The following FGF14 variants were observed in gnomAD, a reference collection of about 807,000 sequenced individuals.
FGF14 encodes fibroblast growth factor homologous factor 4.
Under a neutral mutation model 25.5 loss-of-function variants are expected in FGF14, and 5 were observed. The observed-to-expected ratio is 0.20, with a 90% CI of 0.10 to 0.41. The LOEUF (loss-of-function observed/expected upper bound fraction) is 0.41. Ranked by LOEUF, FGF14 falls within the 10% of genes least tolerant of loss-of-function variation. The pLI, the probability that FGF14 is intolerant of heterozygous loss-of-function variation, is 1.00. For missense variants in FGF14, 222 were observed against 320.1 expected, an observed-to-expected ratio of 0.69 and a Z score of 2.34; for synonymous variants, 138 against 118.3, an observed-to-expected ratio of 1.17 and a Z score of -1.08.
In FGF14 at chr13:102,084,754, C is replaced by T. The variant is rs139269727; in HGVS notation, c.209-209458G>A. Among the ~76,000 whole-genome samples, 9 of 152,304 alleles carry T rather than the reference C, an allele frequency of 5.9e-5. No individual in the cohort carries two copies. The East Asian group carries it at 1.4e-3, about 23-fold the overall frequency. ...ATAACTTGTATTCCCTCATGATCAGCACAAGCGAAATGCACTGATGGAGCA... is the reference window on the plus strand; with the variant it reads ...ATAACTTGTATTCCCTCATGATCAGTACAAGCGAAATGCACTGATGGAGCA... On this transcript the variant is annotated intron_variant, in intron 1 of 4. Coordinates refer to the FGF14 transcript ENST00000376131.
At position 101,825,734 on chromosome 13, in the gene FGF14, G is replaced by A. The variant is rs1051977705; in HGVS notation, c.408+42991C>T. Among the ~76,000 whole-genome samples the A allele has an allele frequency of 4.6e-5, 7 of 151,962 alleles. No homozygotes were observed. In the East Asian group the frequency reaches 1.3e-3, roughly 29 times the overall value. ...TTATTTACAAAACCTAAAGTAGATG[G>A]GGCAGGGGCTATTAAAATACATTGA... On this transcript the variant is annotated intron_variant, in intron 3 of 4. Transcript: ENST00000376143.
chr13:101,817,171 A>G (rs4633568), intron 3 of FGF14, among the ~76,000 whole-genome samples: 85,652 of 152,010 alleles, frequency 0.56, 24,580 homozygotes, highest in Middle Eastern at 0.62. Flanking sequence ...CCAGGATCAC[A>G]GGGCCTGGTT....
intron 3 of FGF14, among the ~76,000 whole-genome samples, chr13:101,737,405 GT>G (rs1303498391): frequency 1.4e-5 from 2 of 144,890 alleles, no homozygotes; most frequent in African/African-American, 5.1e-5. Context: ...CAGAATTTTT[GT>G]TAGCCAGAAC....
intron 1 of FGF14, among the ~76,000 whole-genome samples, chr13:102,262,406 G>C (rs964131321): frequency 6.6e-6 from 1 of 151,786 alleles, no homozygotes; most frequent in Non-Finnish European, 1.5e-5. Context: ...TTTATTTCAT[G>C]CTCACTCTGT....
At chr13:102,344,296 A>C (rs1275269031) in intron 1 of FGF14, among the ~76,000 whole-genome samples, 1 of 152,226 alleles carries the variant, frequency 6.6e-6, no homozygotes, top group Admixed American at 6.5e-5. Context: ...CAACTTCTTA[A>C]GGAATCTGAA....
intron 1 of FGF14, among the ~76,000 whole-genome samples, chr13:102,068,576 C>T (rs80268928): frequency 6.6e-6 from 1 of 152,328 alleles, no homozygotes; most frequent in Admixed American, 6.5e-5. Context: ...AGCAGACGGC[C>T]GGCCCTGCCA....
chr13:101,862,370 T>C (rs1164339085), intron 3 of FGF14, among the ~76,000 whole-genome samples: 2 of 152,124 alleles, frequency 1.3e-5, no homozygotes, highest in Non-Finnish European at 2.9e-5. Context: ...CTTCTTTTTC[T>C]TAGGCTCTCA....
At chr13:102,207,624 TAAAAAAAAAA>T (rs35568335) in intron 1 of FGF14, among the ~76,000 whole-genome samples, 1,566 of 92,502 alleles carry the variant, frequency 0.017, 36 homozygotes, top group African/African-American at 0.064. Flanking sequence ...CAGTTTTCAT[TAAAAAAAAAA>T]AAAAAAAAAA....
intron 1 of FGF14, among the ~76,000 whole-genome samples, chr13:102,285,369 T>C (rs2054043626): frequency 1.3e-5 from 2 of 152,194 alleles, no homozygotes; most frequent in Admixed American, 6.5e-5. Flanking sequence ...GAAAACTCAC[T>C]TTCTTGGAAT....
chr13:102,303,491 G>C (rs9518699), intron 1 of FGF14, among the ~76,000 whole-genome samples: 40,683 of 152,042 alleles, frequency 0.27, 5,729 homozygotes, highest in Admixed American at 0.38. Context: ...ATGAATAATT[G>C]AGTGGAAATT....
chr13:101,868,594 T>C, intron 3 of FGF14, 131 bp downstream of exon 3: 2 of 737,444 alleles, frequency 2.7e-6, no homozygotes, highest in South Asian at 1.4e-5. Flanking sequence ...TTCTAAGCAT[T>C]CTCGCAAAGA....
intron 1 of FGF14, among the ~76,000 whole-genome samples, chr13:102,057,551 A>T (rs2042488114): frequency 6.6e-6 from 1 of 152,174 alleles, no homozygotes; most frequent in African/African-American, 2.4e-5. Flanking sequence ...AACAAGGACC[A>T]TACCTATTTT....
chr13:101,917,417 G>C (rs755922963), upstream of FGF14, among the ~76,000 whole-genome samples: 15 of 152,172 alleles, frequency 9.9e-5, no homozygotes, highest in Non-Finnish European at 2.2e-4. Context: ...CAGGGATGGG[G>C]TGCTAAGAGG....
chr13:102,335,867 G>T (rs2056774681), intron 1 of FGF14, among the ~76,000 whole-genome samples: 1 of 152,156 alleles, frequency 6.6e-6, no homozygotes, highest in Non-Finnish European at 1.5e-5. Context: ...TTTGTAGCCA[G>T]TGATCTTTGA....
At chr13:102,157,186 G>C (rs1268560757) in intron 1 of FGF14, among the ~76,000 whole-genome samples, 4 of 152,124 alleles carry the variant, frequency 2.6e-5, no homozygotes, top group Non-Finnish European at 5.9e-5. Flanking sequence ...CCAAAAAAGA[G>C]CCCACATTTC....
chr13:102,294,645 TTC>T (rs1192964633), intron 1 of FGF14, among the ~76,000 whole-genome samples: 11 of 152,170 alleles, frequency 7.2e-5, no homozygotes, highest in Non-Finnish European at 1.6e-4. Context: ...GATTGTCAAT[TTC>T]TGTTTGCCCT....
chr13:101,767,460 G>A (rs1049019403), intron 3 of FGF14, among the ~76,000 whole-genome samples: 2 of 152,200 alleles, frequency 1.3e-5, no homozygotes, highest in Non-Finnish European at 2.9e-5. Flanking sequence ...TGGAAGCAAA[G>A]AATGTGAAAT....
In FGF14 at chr13:101,714,515, A is replaced by G; in HGVS notation, c.*8316T>C. On this transcript the variant is annotated 3_prime_UTR_variant, in exon 5 of 5. Transcript: ENST00000376143. The stretch of plus-strand genomic sequence containing the variant: ...TGGGGAGTTCTGTGACTGTGATGAC[A>G]GAGACTGCGACAAACATGATGGTCT... The G allele has an allele frequency of 6.2e-7, 1 of 1,610,980 alleles. No individual in the cohort carries two copies. The highest frequency in any genetic ancestry group is 8.5e-7 in the Non-Finnish European group (1 of 1,177,178).
At chr13:101,893,771 A>T (rs964821504) in intron 1 of FGF14, among the ~76,000 whole-genome samples, 3 of 152,186 alleles carry the variant, frequency 2.0e-5, no homozygotes, top group Admixed American at 1.3e-4. Flanking sequence ...AGTCAATTTT[A>T]GCCTGGCGAG....
Sources: gnomAD v4.1 joint callset for allele counts (sites outside exome capture counted in the v4.1 genomes callset) on GRCh38, gnomAD v4.1.1 for gene constraint, MANE v1.5 for transcripts, NCBI Gene and HGNC (gene_info 2026-07-23, HGNC 2026-07-21) for gene names.